Variants in ABITRAM observed in about 807,000 individuals in gnomAD.
ABITRAM encodes actin binding transcription modulator.
A neutral mutation model predicts 22.9 loss-of-function variants in ABITRAM; 19 were observed. The ratio of observed to expected loss-of-function variants is 0.83; its 90% confidence interval spans 0.58 to 1.22. The LOEUF is 1.22. Among genes scored for constraint, ABITRAM ranks in the 50% most tolerant of loss-of-function variants. The pLI is 0.00. For missense variants in ABITRAM, 215 were observed against 220.2 expected, an observed-to-expected ratio of 0.98 and a Z score of 0.15; for synonymous variants, 70 against 73.9, an observed-to-expected ratio of 0.95 and a Z score of 0.27.
chr9:108,939,237 T>A lies in ABITRAM; in HGVS notation c.303T>A (p.Ile101=), dbSNP rs1285732917. ...CAGAGCTTGCACCTCTCTGTAAGAT[T>A]TACTGCTCAGATGGTGAAGAATATA... The part of the protein sequence containing the change: ...FLTELAPLCK[I]YCSDGEEYTV... Residue 101 remains isoleucine (I), a synonymous_variant, in exon 4 of 6, where the codon ATT becomes ATA. Coordinates refer to ENST00000322940, the MANE Select transcript of ABITRAM (RefSeq NM_017832.4). The A allele has an allele frequency of 6.2e-7, 1 of 1,614,040 alleles. No individual in the cohort carries two copies. The highest frequency in any genetic ancestry group is 1.7e-5 in the Admixed American group (1 of 60,018).
chr9:108,950,729 G>T, exon 4 of ABITRAM: 1 of 1,172,732 alleles, frequency 8.5e-7, no homozygotes, highest in South Asian at 1.6e-5. Flanking sequence ...AAAATAAATT[G>T]AACACATTAA....
At chr9:108,939,159 TC>T in intron 3 of ABITRAM, 36 bp from the exon 4 acceptor site, 1 of 1,574,170 alleles carries the variant, frequency 6.4e-7, no homozygotes, top group South Asian at 1.1e-5. Flanking sequence ...AGTGGAAATG[TC>T]CATCAACTGA....
downstream of ABITRAM, chr9:108,942,889 A>C: frequency 1.2e-6 from 2 of 1,610,480 alleles, no homozygotes; most frequent in Non-Finnish European, 1.7e-6. Flanking sequence ...AAAAATTACA[A>C]AATTAAGTAG....
downstream of ABITRAM, chr9:108,943,945 A>G: frequency 6.2e-7 from 1 of 1,612,246 alleles, no homozygotes; most frequent in Non-Finnish European, 8.5e-7. Context: ...AGCTCCAGGT[A>G]GGTAGACATG....
chr9:108,939,513 A>G (rs41278361), intron 5 of ABITRAM, 36 bp from the exon 6 acceptor site: 115,004 of 1,600,526 alleles, frequency 0.072, 4,712 homozygotes, highest in South Asian at 0.13. Flanking sequence ...TTTTTTTTTC[A>G]TCGTTTGACA....
Position 108,935,628 on chromosome 9 carries a change from A to G in ABITRAM, c.80-10A>G, listed in dbSNP as rs774837628. 10 of 1,608,344 alleles carry G rather than the reference A, an allele frequency of 6.2e-6. No homozygotes were observed. Among genetic ancestry groups the G allele is most frequent in the African/African-American group, 1.3e-5 (1 of 74,822 alleles). ...ATTTCAGCCACCAACAGACTCATGTATTCTTCTAGATGTCAAAGGAAAATT... is the reference window on the plus strand; with the variant it reads ...ATTTCAGCCACCAACAGACTCATGTGTTCTTCTAGATGTCAAAGGAAAATT... On this transcript the variant is annotated splice_polypyrimidine_tract_variant and intron_variant, in intron 1 of 5. Transcript: ENST00000322940.
downstream of ABITRAM, among the ~76,000 whole-genome samples, chr9:108,941,557 AT>A (rs1251286619): frequency 1.3e-5 from 2 of 152,152 alleles, no homozygotes; most frequent in Admixed American, 1.3e-4. Flanking sequence ...AGTGCATCAC[AT>A]TTTCTCCCGA....
intron 2 of ABITRAM, 190 bp from the exon 3 acceptor site, chr9:108,936,118 A>C (rs1830183169): frequency 3.2e-6 from 2 of 626,282 alleles, no homozygotes; most frequent in Admixed American, 3.1e-5. Flanking sequence ...AAAGAAATTC[A>C]ATCTTGTTTT....
At position 108,936,448 on chromosome 9, in the gene ABITRAM, G is replaced by C. The variant is rs1164353248; in HGVS notation, c.261+11G>C. 2.5e-6 allele frequency: 4 copies of C among 1,611,412 alleles called. No homozygotes were observed. The African/African-American group carries it at 5.3e-5, about 22-fold the overall frequency. Reference sequence around the variant, plus strand: ...GGGAAATTTAAGCGGGTATGTTCCTGTAATTCTGTGATTATCTACTTACAT... The same window carrying C: ...GGGAAATTTAAGCGGGTATGTTCCTCTAATTCTGTGATTATCTACTTACAT... On this transcript the variant is annotated intron_variant, in intron 3 of 5. Transcript: ENST00000322940.
At chr9:108,937,285 A>T (rs1830201518) in intron 3 of ABITRAM, among the ~76,000 whole-genome samples, 1 of 152,130 alleles carries the variant, frequency 6.6e-6, no homozygotes, top group Non-Finnish European at 1.5e-5. Flanking sequence ...TGCACACAAC[A>T]CTCGGTTATA....
chr9:108,934,770 G>A (rs138072769), intron 1 of ABITRAM, among the ~76,000 whole-genome samples: 2,461 of 152,214 alleles, frequency 0.016, 31 homozygotes, highest in Non-Finnish European at 0.025. Flanking sequence ...CGCATTCTGG[G>A]GCCGGCGATT....
chr9:108,949,529 G>A (rs1022056954), intron 3 of ABITRAM, among the ~76,000 whole-genome samples: 13 of 152,158 alleles, frequency 8.5e-5, no homozygotes, highest in Admixed American at 3.9e-4. Context: ...CTAACACAGC[G>A]AAACGCTATC....
intron 2 of ABITRAM, chr9:108,935,941 C>T (rs2132064185): frequency 3.7e-6 from 2 of 534,660 alleles, no homozygotes; most frequent in Admixed American, 3.3e-5. Context: ...TCAGCTGCTA[C>T]TTGAAGTGGC....
Position 108,939,245 on chromosome 9 carries a change from C to T in ABITRAM, c.311C>T (p.Ser104Leu). Residue 104 changes from serine (S) to leucine (L), a missense_variant, in exon 4 of 6, where the codon TCA (serine) becomes TTA (leucine). Coordinates refer to ENST00000322940, the MANE Select transcript of ABITRAM (RefSeq NM_017832.4). ...ELAPLCKIYC[S>L]DGEEYTVSSC... ...GCACCTCTCTGTAAGATTTACTGCTCAGATGGTGAAGAATATACTGTGTCT... is the reference window on the plus strand; with the variant it reads ...GCACCTCTCTGTAAGATTTACTGCTTAGATGGTGAAGAATATACTGTGTCT... 1 of 1,613,974 alleles carries T rather than the reference C, an allele frequency of 6.2e-7. No individual in the cohort carries two copies.
chr9:108,934,558 C>T lies in ABITRAM; in HGVS notation c.72C>T (p.Tyr24=), dbSNP rs1210442761. ...TGGATCGATACTTCACTCGCTGGTA[C>T]AAACCGGGTAAGTGCGGAGTGATGT... ...SLVDRYFTRW[Y]KPDVKGKFCE... is the part of the protein sequence containing the mutation. The change falls in exon 1 of 6, where the codon TAC becomes TAT. Residue 24 remains tyrosine, a synonymous_variant. Coordinates refer to ENST00000322940, the MANE Select transcript of ABITRAM (RefSeq NM_017832.4). The T allele has an allele frequency of 1.9e-6, 3 of 1,604,568 alleles. No individual in the cohort carries two copies. The highest frequency in any genetic ancestry group is 1.7e-6 in the Non-Finnish European group (2 of 1,176,478).
chr9:108,938,223 G>A (rs572734209), intron 3 of ABITRAM, among the ~76,000 whole-genome samples: 2 of 152,294 alleles, frequency 1.3e-5, no homozygotes, highest in East Asian at 3.9e-4. Flanking sequence ...TCCAAAAGCA[G>A]AAAGTCACAA....
intron 3 of ABITRAM, among the ~76,000 whole-genome samples, chr9:108,946,544 T>C (rs184563897): frequency 1.1e-4 from 16 of 152,336 alleles, no homozygotes; most frequent in Middle Eastern, 3.4e-3. Flanking sequence ...AGAGGTCTTT[T>C]CTGACCACCC....
At chr9:108,946,949 C>A (rs1184989200) in intron 3 of ABITRAM, among the ~76,000 whole-genome samples, 1 of 152,046 alleles carries the variant, frequency 6.6e-6, no homozygotes, top group Non-Finnish European at 1.5e-5. Context: ...TTTCAACTAT[C>A]TTAAGGGAAA....
At chr9:108,938,911 A>G (rs767208171) in intron 3 of ABITRAM, among the ~76,000 whole-genome samples, 2 of 152,158 alleles carry the variant, frequency 1.3e-5, no homozygotes, top group African/African-American at 4.8e-5. Flanking sequence ...ATACCTGGTT[A>G]TATGTAGCTT....
Sources: allele counts gnomAD v4.1 joint callset (sites outside exome capture counted in the v4.1 genomes callset), GRCh38; gene constraint gnomAD v4.1.1; transcripts MANE v1.5; gene names NCBI Gene and HGNC (gene_info 2026-07-23, HGNC 2026-07-21).